The following DYNC1H1 variants were observed in gnomAD, a reference collection of about 807,000 sequenced individuals.
The protein encoded by DYNC1H1 is dynein cytoplasmic 1 heavy chain 1, also known as cytoplasmic dynein 1 heavy chain 1.
Under a neutral mutation model 527.1 loss-of-function variants are expected in DYNC1H1, and 51 were observed. The ratio of observed to expected loss-of-function variants is 0.10; its 90% confidence interval spans 0.08 to 0.12. DYNC1H1 has a LOEUF of 0.12. Ranked by LOEUF, DYNC1H1 falls within the 10% of genes least tolerant of loss-of-function variation. DYNC1H1 has a pLI of 1.00. For synonymous variants in DYNC1H1, 2,189 were observed against 2,278.8 expected (o/e 0.96, Z 1.12); for missense variants, 2,771 against 5,971.8 (o/e 0.46, Z 17.66).
rs2048367204 is a variant in DYNC1H1, at chr14:102,020,028, C to T, written c.8479C>T (p.His2827Tyr). 2 of 1,614,072 alleles carry T rather than the reference C, an allele frequency of 1.2e-6. No individual in the cohort carries two copies. The highest frequency in any genetic ancestry group is 2.2e-5 in the East Asian group (1 of 44,900). The part of the protein sequence containing the change: ...PVEGLIRIWA[H>Y]EALRLFQDRL... Reference sequence around the variant, plus strand: ...TGAAGGCCTCATTCGGATTTGGGCACATGAAGCTCTGCGTCTCTTCCAAGA... The same window carrying T: ...TGAAGGCCTCATTCGGATTTGGGCATATGAAGCTCTGCGTCTCTTCCAAGA... Residue 2827 changes from histidine to tyrosine, a missense_variant, in exon 42 of 78, where the codon CAT (histidine) becomes TAT (tyrosine). By Grantham distance (83) the His-to-Tyr change is moderately conservative. Transcript: ENST00000360184. The surrounding 1 kb of genome is among the most constrained non-coding windows in gnomAD (Gnocchi z 4.3).
rs1243783430 is a variant in DYNC1H1 at position 101,980,505 on chromosome 14, C to A, written c.916C>A (p.His306Asn). ...TCTCCTGACTCTGGATATCTTGAAA[C>A]ATGGCAAGCGCTTCCATGCCACCGT... ...EVLLTLDILK[H>N]GKRFHATVSF... Residue 306 changes from histidine (H) to asparagine (N), a missense_variant, in exon 5 of 78, where the codon CAT (histidine) becomes AAT (asparagine). Coordinates refer to ENST00000360184, the MANE Select transcript of DYNC1H1 (RefSeq NM_001376.5). The A allele has an allele frequency of 6.2e-7, 1 of 1,614,238 alleles. No individual in the cohort carries two copies.
Position 102,033,803 on chromosome 14 carries a change from G to T in DYNC1H1, c.10414-173G>T. Reference sequence around the variant, plus strand: ...CCCGCTGAGATTCTGAGTCGTGTGTGGTCATTAGTTATATATGATCTGGGT... The same window carrying T: ...CCCGCTGAGATTCTGAGTCGTGTGTTGTCATTAGTTATATATGATCTGGGT... On this transcript the variant is annotated intron_variant, in intron 54 of 77. Coordinates refer to ENST00000360184, the MANE Select transcript of DYNC1H1 (RefSeq NM_001376.5). This position sits in a 1 kb window ranked among gnomAD's most constrained non-coding sequence, Gnocchi z 5.6. The T allele has an allele frequency of 2.7e-6, 2 of 744,030 alleles. No individual in the cohort carries two copies. The highest frequency in any genetic ancestry group is 3.3e-5 in the South Asian group (2 of 60,090). 46.1% of individuals were successfully genotyped at this position (744,030 alleles called of 1,614,324 possible). A position where few individuals can be genotyped will look rare whatever the true frequency, so the allele number is the denominator to read the frequency against.
intron 43 of DYNC1H1, among the ~76,000 whole-genome samples, chr14:102,024,555 G>T (rs1488574463): frequency 2.0e-5 from 3 of 152,128 alleles, no homozygotes; most frequent in African/African-American, 7.2e-5. Flanking sequence ...AAGGCAGAGC[G>T]CCTGATAGGA....
At position 102,042,511 on chromosome 14, in the gene DYNC1H1, G is replaced by A; in HGVS notation, c.12399+4G>A. ...CACCATGGAGATCAACCCCAAGGTG[G>A]GTGGTTGAAGGAGTGGAGACGTTGC... On this transcript the variant is annotated splice_donor_region_variant and intron_variant, in intron 68 of 77. Coordinates refer to ENST00000360184, the MANE Select transcript of DYNC1H1 (RefSeq NM_001376.5). This position sits in a 1 kb window ranked among gnomAD's most constrained non-coding sequence, Gnocchi z 5.7. 1 of 1,614,126 alleles carries A rather than the reference G, an allele frequency of 6.2e-7. No individual in the cohort carries two copies. The highest frequency in any genetic ancestry group is 1.1e-5 in the South Asian group (1 of 91,068).
intron 1 of DYNC1H1, among the ~76,000 whole-genome samples, chr14:101,970,028 ATTTAT>A (rs889351295): frequency 2.8e-4 from 43 of 152,134 alleles, no homozygotes; most frequent in African/African-American, 1.0e-3. Flanking sequence ...GGTATCTGTT[ATTTAT>A]TTTGAGTTAG....
At chr14:102,003,038 T>G (rs2048149605) in intron 23 of DYNC1H1, 73 bp downstream of exon 23, 2 of 1,594,728 alleles carry the variant, frequency 1.3e-6, no homozygotes, top group African/African-American at 2.7e-5. Context: ...TGATCTTCTT[T>G]CCCTTCTGGG....
chr14:102,046,556 C>T (rs1300819638), intron 72 of DYNC1H1, among the ~76,000 whole-genome samples: 1 of 152,168 alleles, frequency 6.6e-6, no homozygotes, highest in Non-Finnish European at 1.5e-5. Context: ...ACACTGCAGG[C>T]ACCACAAGGC....
Position 102,027,237 on chromosome 14 carries a change from C to T in DYNC1H1, c.8835C>T (p.Thr2945=), listed in dbSNP as rs1427975569. ...LIGVSGAGKT[T]LSRFVAWMNG... is the part of the protein sequence containing the mutation. The stretch of plus-strand genomic sequence containing the variant: ...GTGTTAGTGGAGCAGGAAAAACTAC[C>T]CTGTCTCGTTTCGTCGCCTGGATGA... The change falls in exon 45 of 78, where the codon ACC becomes ACT. Residue 2945 remains threonine, a synonymous_variant. Coordinates refer to ENST00000360184, the MANE Select transcript of DYNC1H1 (RefSeq NM_001376.5). This position sits in a 1 kb window ranked among gnomAD's most constrained non-coding sequence, Gnocchi z 7.7. 1 of 1,614,040 alleles carries T rather than the reference C, an allele frequency of 6.2e-7. No homozygotes were observed. The highest frequency in any genetic ancestry group is 1.3e-5 in the African/African-American group (1 of 75,010).
Position 102,011,024 on chromosome 14 carries a change from G to T in DYNC1H1, c.6618+72G>T. The T allele has an allele frequency of 6.6e-7, 1 of 1,523,800 alleles. No individual in the cohort carries two copies. Among genetic ancestry groups the T allele is most frequent in the African/African-American group, 1.4e-5 (1 of 73,096 alleles). 94.4% of individuals were successfully genotyped at this position (1,523,800 alleles called of 1,614,324 possible). A position where few individuals can be genotyped will look rare whatever the true frequency, so the allele number is the denominator to read the frequency against. On this transcript the variant is annotated intron_variant, in intron 32 of 77. Transcript: ENST00000360184. The surrounding 1 kb of genome is among the most constrained non-coding windows in gnomAD (Gnocchi z 5.3). ...GCTTTAGTGTCTGGTAATGACAACC[G>T]TGGGCCCTTCGATGAAACTGTCCAC...
In DYNC1H1 at chr14:102,050,506, A is replaced by C. The variant is rs1443579245; in HGVS notation, c.13884A>C (p.Thr4628=). ...LIFTVDFEIA[T]KEDPRSFYER... ...TCACCGTGGACTTCGAAATTGCTAC[A>C]AAGGAGGATCCTCGCAGCTTCTACG... Residue 4628 remains threonine, a synonymous_variant, in exon 78 of 78, where the codon ACA becomes ACC. Transcript: ENST00000360184. The C allele has an allele frequency of 3.7e-6, 6 of 1,614,172 alleles. No individual in the cohort carries two copies. The highest frequency in any genetic ancestry group is 3.3e-5 in the South Asian group (3 of 91,076).
rs757333070 is a variant in DYNC1H1, at chr14:102,016,748, T to G, written c.7615-18T>G. On this transcript the variant is annotated intron_variant, in intron 37 of 77. Transcript: ENST00000360184. This position sits in a 1 kb window ranked among gnomAD's most constrained non-coding sequence, Gnocchi z 7.3. ...ACCTTGGTTGCAGCCGGACTCACACTTCCATCTCCGTGTGTAGGTGTCCAT... is the reference window on the plus strand; with the variant it reads ...ACCTTGGTTGCAGCCGGACTCACACGTCCATCTCCGTGTGTAGGTGTCCAT... 6.2e-7 allele frequency: 1 copy of G among 1,612,234 alleles called. No homozygotes were observed. The highest frequency in any genetic ancestry group is 1.7e-5 in the Admixed American group (1 of 59,816).
chr14:101,997,382 G>A lies in DYNC1H1; in HGVS notation c.3804+108G>A, dbSNP rs1263665142. The A allele has an allele frequency of 1.0e-5, 16 of 1,560,758 alleles. No individual in the cohort carries two copies. Among genetic ancestry groups the A allele is most frequent in the African/African-American group, 2.7e-5 (2 of 73,736 alleles). On this transcript the variant is annotated intron_variant, in intron 16 of 77. Transcript: ENST00000360184. The surrounding 1 kb of genome is among the most constrained non-coding windows in gnomAD (Gnocchi z 4.8). ...TGCTGTGACTGAGCTTTCTAGTATT[G>A]AAGACTCTTTTCCTTTTTGTAGTTA...
chr14:102,011,207 T>C lies in DYNC1H1; in HGVS notation c.6618+255T>C. 1.9e-6 allele frequency: 1 copy of C among 524,540 alleles called. No homozygotes were observed. Among genetic ancestry groups the C allele is most frequent in the Non-Finnish European group, 3.5e-6 (1 of 289,786 alleles). 32.5% of individuals were successfully genotyped at this position (524,540 alleles called of 1,614,324 possible). A position where few individuals can be genotyped will look rare whatever the true frequency, so the allele number is the denominator to read the frequency against. ...GAAAATGCTAAGTGCATGACTATATTGGAAAGTTGTTTATACTGATAAAAA... is the reference window on the plus strand; with the variant it reads ...GAAAATGCTAAGTGCATGACTATATCGGAAAGTTGTTTATACTGATAAAAA... On this transcript the variant is annotated intron_variant, in intron 32 of 77. Coordinates refer to ENST00000360184, the MANE Select transcript of DYNC1H1 (RefSeq NM_001376.5). The surrounding 1 kb of genome is among the most constrained non-coding windows in gnomAD (Gnocchi z 5.3).
At chr14:102,022,989 A>G (rs920883051) in intron 43 of DYNC1H1, 109 bp downstream of exon 43, 1 of 1,529,136 alleles carries the variant, frequency 6.5e-7, no homozygotes, top group African/African-American at 1.4e-5. Context: ...TAGGCTGGGT[A>G]TGGTGTCTCA....
chr14:101,974,107 TA>T (rs1382591022), intron 1 of DYNC1H1, among the ~76,000 whole-genome samples: 1 of 152,194 alleles, frequency 6.6e-6, no homozygotes, highest in Non-Finnish European at 1.5e-5. Flanking sequence ...TTTATTTATT[TA>T]TTTTTTTTGA....
Position 102,028,121 on chromosome 14 carries a change from G to A in DYNC1H1, c.9448G>A (p.Val3150Ile), listed in dbSNP as rs2048470771. Residue 3150 changes from valine (V) to isoleucine (I), a missense_variant, in exon 48 of 78, where the codon GTT (valine) becomes ATT (isoleucine). Coordinates refer to ENST00000360184, the MANE Select transcript of DYNC1H1 (RefSeq NM_001376.5). ...AGCCATTGTGAACAGCTGTGTGTTT[G>A]TTCATCAGACTCTTCACCAGGTGGG... is the stretch of plus-strand genomic sequence containing the variant. ...REAIVNSCVF[V>I]HQTLHQANAR... is the part of the protein sequence containing the mutation. 1 of 1,613,948 alleles carries A rather than the reference G, an allele frequency of 6.2e-7. No homozygotes were observed. Among genetic ancestry groups the A allele is most frequent in the African/African-American group, 1.3e-5 (1 of 74,932 alleles).
rs537556138 is a variant in DYNC1H1 at position 102,002,180 on chromosome 14, G to A, written c.4543-357G>A. ...GGCTGGAGTGCAATGGCACGATCTC[G>A]GCTCACTGCAACCTCTGCCTCCCGG... On this transcript the variant is annotated intron_variant, in intron 21 of 77. Coordinates refer to ENST00000360184, the MANE Select transcript of DYNC1H1 (RefSeq NM_001376.5). This position sits in a 1 kb window ranked among gnomAD's most constrained non-coding sequence, Gnocchi z 4.4. Among the ~76,000 whole-genome samples the A allele has an allele frequency of 2.2e-4, 33 of 150,738 alleles. No individual in the cohort carries two copies. Among genetic ancestry groups the A allele is most frequent in the Non-Finnish European group, 4.7e-4 (32 of 67,786 alleles).
rs941771016 is a variant in DYNC1H1 at position 102,044,524 on chromosome 14, G to A, written c.12902+33G>A. On this transcript the variant is annotated intron_variant, in intron 71 of 77. Coordinates refer to ENST00000360184, the MANE Select transcript of DYNC1H1 (RefSeq NM_001376.5). The surrounding 1 kb of genome is among the most constrained non-coding windows in gnomAD (Gnocchi z 7.1). ...GCTGCCTGCTGGAATGGAGACAGTT[G>A]TGATGTCAGGGCGTCTGGTGTCACT... The A allele has an allele frequency of 2.5e-6, 4 of 1,614,152 alleles. No individual in the cohort carries two copies. The highest frequency in any genetic ancestry group is 1.1e-5 in the South Asian group (1 of 91,082).
chr14:102,050,820 T>C lies in DYNC1H1; in HGVS notation c.*257T>C, dbSNP rs938838588. 24 of 480,864 alleles carry C rather than the reference T, an allele frequency of 5.0e-5. No individual in the cohort carries two copies. The highest frequency in any genetic ancestry group is 9.0e-5 in the Non-Finnish European group (24 of 265,994). The allele number at this position is 480,864 out of a possible 1,614,324, so 29.8% of individuals were successfully genotyped here. A position where few individuals can be genotyped will look rare whatever the true frequency, so the allele number is the denominator to read the frequency against. On this transcript the variant is annotated 3_prime_UTR_variant, in exon 78 of 78. Coordinates refer to ENST00000360184, the MANE Select transcript of DYNC1H1 (RefSeq NM_001376.5). Reference sequence around the variant, plus strand: ...CGGCTCCGCCTCTTCTGTCTCCGCTTTCATCCCAGGGCACAGAGCCTTGCC... The same window carrying C: ...CGGCTCCGCCTCTTCTGTCTCCGCTCTCATCCCAGGGCACAGAGCCTTGCC...
Sources: gnomAD v4.1 joint callset for allele counts (sites outside exome capture counted in the v4.1 genomes callset) on GRCh38, gnomAD v4.1.1 for gene constraint, Gnocchi (gnomAD v3.1) non-coding constraint, MANE v1.5 for transcripts, NCBI Gene and HGNC (gene_info 2026-07-23, HGNC 2026-07-21) for gene names.